The following MTRF1 variants were observed in gnomAD, a reference collection of about 807,000 sequenced individuals.
MTRF1 encodes mitochondrial translation release factor 1.
Under a neutral mutation model 62.9 loss-of-function variants are expected in MTRF1, and 51 were observed. The ratio of observed to expected loss-of-function variants is 0.81; its 90% CI spans 0.65 to 1.02. The LOEUF is 1.02. MTRF1 is among the 50% of genes least tolerant of loss of function. The pLI is 0.00. For missense variants in MTRF1, 446 were observed against 530.0 expected (o/e 0.84, Z 1.56); for synonymous variants, 158 against 181.9 (o/e 0.87, Z 1.06).
the MTRF1 span, among the ~76,000 whole-genome samples, chr13:41,301,500 C>A: frequency 6.6e-6 from 1 of 152,132 alleles, no homozygotes; most frequent in Non-Finnish European, 1.5e-5. Context: ...GTAATGTCAG[C>A]ACTTCGGGAG....
At chr13:41,289,906 C>T in the MTRF1 span, among the ~76,000 whole-genome samples, 24 of 152,204 alleles carry the variant, frequency 1.6e-4, no homozygotes, top group Admixed American at 6.5e-4. Context: ...CCTGACCTCC[C>T]GCCAACTGAC....
chr13:41,253,862 G>T (rs1593990125), intron 3 of MTRF1, among the ~76,000 whole-genome samples: 1 of 152,082 alleles, frequency 6.6e-6, no homozygotes, highest in East Asian at 1.9e-4. Flanking sequence ...CCCCTCTATT[G>T]GATTCCCAGA....
chr13:41,220,564 C>G, intron 9 of MTRF1: 1 of 1,286,856 alleles, frequency 7.8e-7, no homozygotes, highest in African/African-American at 1.5e-5. Context: ...AATGAGAATA[C>G]CAGGTGATCT....
At chr13:41,224,308 T>C (rs1272421967) in intron 8 of MTRF1, among the ~76,000 whole-genome samples, 1 of 152,188 alleles carries the variant, frequency 6.6e-6, no homozygotes, top group Non-Finnish European at 1.5e-5. Flanking sequence ...TACAGTTATT[T>C]GCATTCTTCT....
intron 5 of MTRF1, among the ~76,000 whole-genome samples, chr13:41,251,931 G>A (rs1023759035): frequency 2.6e-5 from 4 of 151,994 alleles, no homozygotes; most frequent in African/African-American, 9.7e-5. Context: ...CCAGGCTGGA[G>A]TGTACTGGTG....
chr13:41,283,739 G>C, the MTRF1 span, among the ~76,000 whole-genome samples: 3 of 151,076 alleles, frequency 2.0e-5, no homozygotes, highest in Non-Finnish European at 4.4e-5. Context: ...ACAGGCGCCC[G>C]CCACTACGCC....
the MTRF1 span, among the ~76,000 whole-genome samples, chr13:41,299,326 C>G: frequency 6.6e-6 from 1 of 152,134 alleles, no homozygotes. Flanking sequence ...TTTATCACAA[C>G]CTCTTTTAGA....
At chr13:41,298,392 A>AT in the MTRF1 span, among the ~76,000 whole-genome samples, 10 of 150,586 alleles carry the variant, frequency 6.6e-5, no homozygotes, top group South Asian at 2.1e-4. Context: ...CACTATTACG[A>AT]AGTTACACTC....
chr13:41,219,998 C>CAAAAAAAAAA (rs71086550), intron 9 of MTRF1, among the ~76,000 whole-genome samples: 1 of 70,364 alleles, frequency 1.4e-5, no homozygotes, highest in Non-Finnish European at 2.5e-5. Flanking sequence ...ACCTCTGTCT[C>CAAAAAAAAAA]AAAAAAAAAA....
chr13:41,231,747 AAAGT>A (rs1228381661), intron 7 of MTRF1, among the ~76,000 whole-genome samples: 1 of 152,126 alleles, frequency 6.6e-6, no homozygotes, highest in Non-Finnish European at 1.5e-5. Flanking sequence ...TTCCAACATG[AAAGT>A]AAGAATGGGC....
rs762308644 is a variant in MTRF1, at chr13:41,260,564, G to A, written c.344C>T (p.Pro115Leu). The change falls in exon 2 of 10, where the codon CCT (proline) becomes CTT (leucine). Residue 115 changes from proline (P) to leucine (L), a missense_variant. Physicochemically the swap from Pro to Leu is moderately conservative, Grantham distance 98 (BLOSUM62 -3). Transcript: ENST00000379480. ...AATTTCTTGGTAAATGGCTGCAAGA[G>A]GTGCCAACTCAGCATGCCTTCTGTT... Reference protein sequence around the residue: ...SLNRRHAELAPLAAIYQEIQE... With the variant: ...SLNRRHAELALLAAIYQEIQE... The A allele has an allele frequency of 5.6e-6, 9 of 1,614,102 alleles. No individual in the cohort carries two copies. The highest frequency in any genetic ancestry group is 7.6e-6 in the Non-Finnish European group (9 of 1,180,028).
chr13:41,282,586 T>A, the MTRF1 span, among the ~76,000 whole-genome samples: 552 of 152,360 alleles, frequency 3.6e-3, 6 homozygotes, highest in African/African-American at 0.013. Flanking sequence ...AGTCTTTGAA[T>A]GCTAGTTGAC....
chr13:41,305,621 G>A, the MTRF1 span, among the ~76,000 whole-genome samples: 1 of 152,006 alleles, frequency 6.6e-6, no homozygotes, highest in Non-Finnish European at 1.5e-5. Context: ...CTATTCCTTC[G>A]TCATACCAAT....
chr13:41,298,128 GT>G, the MTRF1 span, among the ~76,000 whole-genome samples: 1 of 152,130 alleles, frequency 6.6e-6, no homozygotes, highest in African/African-American at 2.4e-5. Flanking sequence ...GATTAGATTG[GT>G]TTTGGAACTT....
Position 41,240,413 on chromosome 13 carries a change from C to T in MTRF1, c.718G>A (p.Ala240Thr), listed in dbSNP as rs751297093. The T allele has an allele frequency of 3.1e-6, 5 of 1,612,948 alleles. No homozygotes were observed. In the Admixed American group the frequency reaches 5.0e-5, roughly 16 times the overall value. ...TAGACACCGTCACCGGAAATTCGGG[C>T]GGCTGCATGATGTAGTCCACCTAGG... ...ADYGGLHHAAARISGDGVYKH... is the reference protein window; with the variant it reads ...ADYGGLHHAATRISGDGVYKH... The change falls in exon 6 of 10, where the codon GCC becomes ACC. Residue 240 changes from alanine to threonine, a missense_variant. Ala to Thr is a moderately conservative substitution (Grantham distance 58). Transcript: ENST00000379480.
At chr13:41,275,970 C>A in the MTRF1 span, among the ~76,000 whole-genome samples, 3 of 152,042 alleles carry the variant, frequency 2.0e-5, no homozygotes, top group African/African-American at 7.2e-5. Context: ...CTCCATTGTA[C>A]GCAATTTGCA....
chr13:41,260,933 CA>C lies in MTRF1; in HGVS notation c.-8-19del. 6.8e-7 allele frequency: 1 copy of C among 1,481,080 alleles called. No homozygotes were observed. The highest frequency in any genetic ancestry group is 8.9e-7 in the Non-Finnish European group (1 of 1,121,210). 91.7% of individuals were successfully genotyped at this position (1,481,080 alleles called of 1,614,324 possible). On this transcript the variant is annotated intron_variant, in intron 1 of 9. Transcript: ENST00000379480. ...CTCAGCATCTGAAATACAATAAACA[CA>C]GTCTTTAAAAAAAAATCATCTCTAA... is the stretch of plus-strand genomic sequence containing the variant.
intron 6 of MTRF1, among the ~76,000 whole-genome samples, chr13:41,237,146 G>C (rs1488295340): frequency 6.6e-6 from 1 of 150,518 alleles, no homozygotes; most frequent in Non-Finnish European, 1.5e-5. Context: ...TTGAGCCTGG[G>C]AGGCAGAGGT....
chr13:41,217,956 TA>T (rs2032243546), intron 9 of MTRF1, among the ~76,000 whole-genome samples: 1 of 152,224 alleles, frequency 6.6e-6, no homozygotes, highest in Non-Finnish European at 1.5e-5. Flanking sequence ...TTGAAATATT[TA>T]GGGGTGAAGT....
Sources: allele counts gnomAD v4.1 joint callset (sites outside exome capture counted in the v4.1 genomes callset), GRCh38; gene constraint gnomAD v4.1.1; transcripts MANE v1.5; gene names NCBI Gene and HGNC (gene_info 2026-07-23, HGNC 2026-07-21).